CASK: variants seen among roughly 807,000 people sequenced by gnomAD.
The protein encoded by CASK is peripheral plasma membrane protein CASK.
A neutral mutation model predicts 82.9 loss-of-function variants in CASK; 4 were observed. The ratio of observed to expected loss-of-function variants is 0.05; its 90% CI spans 0.02 to 0.11. The LOEUF is 0.11. Ranked by LOEUF, CASK falls within the 10% of genes least tolerant of loss-of-function variation. The pLI, the probability that CASK is intolerant of heterozygous loss-of-function variation, is 1.00. For missense variants in CASK, 358 were observed against 720.9 expected (o/e 0.50, Z 5.76); for synonymous variants, 259 against 253.5 (o/e 1.02, Z -0.20).
At chrX:41,715,862 G>C (rs189998347) in intron 5 of CASK, among the ~76,000 whole-genome samples, 1 of 112,236 alleles carries the variant, frequency 8.9e-6, no homozygotes, top group Non-Finnish European at 1.9e-5. Context: ...ATGGCTGTGG[G>C]GCAGATTTCC....
rs775613948 is a variant in CASK at position 41,598,513 on chromosome X, G to A, written c.1156-8921C>T. 7.3e-5 allele frequency among the ~76,000 whole-genome samples: 8 copies of A among 110,238 alleles called. No homozygotes were observed. The South Asian group carries it at 1.6e-3, about 22-fold the overall frequency. On this transcript the variant is annotated intron_variant, in intron 12 of 26. Coordinates refer to ENST00000378163, the MANE Select transcript of CASK (RefSeq NM_001367721.1). ...ATTACAGGCACGCACCACCACTCCC[G>A]GCTAATTTTTGTATTTTATTTTATT... is the stretch of plus-strand genomic sequence containing the variant.
intron 2 of CASK, among the ~76,000 whole-genome samples, chrX:41,818,858 C>G (rs2070470252): frequency 9.1e-6 from 1 of 109,721 alleles, no homozygotes; most frequent in Admixed American, 9.8e-5. Context: ...CAACTTGTAT[C>G]CAGACTTCAG....
chrX:41,645,671 C>G (rs1336101937), intron 8 of CASK, among the ~76,000 whole-genome samples: 2 of 111,635 alleles, frequency 1.8e-5, no homozygotes, highest in African/African-American at 6.5e-5. Flanking sequence ...CTCCTGATTA[C>G]TTTTCTTTTT....
At chrX:41,829,736 T>TAC (rs2070755104) in intron 2 of CASK, among the ~76,000 whole-genome samples, 7 of 36,755 alleles carry the variant, frequency 1.9e-4, no homozygotes, top group South Asian at 1.4e-3. Context: ...TATATATATA[T>TAC]ATATATATAT....
intron 3 of CASK, among the ~76,000 whole-genome samples, chrX:41,758,099 T>A (rs1369750606): frequency 9.0e-6 from 1 of 111,621 alleles, no homozygotes; most frequent in Non-Finnish European, 1.9e-5. Context: ...TACATGAAGA[T>A]CCCATCTTCT....
At chrX:41,572,034 C>T (rs770336285) in intron 15 of CASK, among the ~76,000 whole-genome samples, 1 of 110,465 alleles carries the variant, frequency 9.1e-6, no homozygotes, top group East Asian at 2.8e-4. Context: ...AAAGCTACTC[C>T]AGCTACCTTT....
chrX:41,811,413 T>C (rs1313058624), intron 2 of CASK, among the ~76,000 whole-genome samples: 1 of 112,662 alleles, frequency 8.9e-6, no homozygotes, highest in Non-Finnish European at 1.9e-5. Flanking sequence ...GCAATCAAAC[T>C]AGAATTCAGG....
intron 1 of CASK, among the ~76,000 whole-genome samples, chrX:41,916,485 C>T (rs1158616040): frequency 1.8e-5 from 2 of 111,707 alleles, no homozygotes; most frequent in Non-Finnish European, 3.8e-5. Context: ...AGAATCTTCA[C>T]TGTCAGTTGC....
At chrX:41,650,395 A>C (rs888486458) in intron 8 of CASK, among the ~76,000 whole-genome samples, 3 of 110,960 alleles carry the variant, frequency 2.7e-5, no homozygotes, top group African/African-American at 9.8e-5. Context: ...GTGAACTTTA[A>C]AAAATTATAT....
chrX:41,890,634 T>C, intron 1 of CASK, among the ~76,000 whole-genome samples: 1 of 111,388 alleles, frequency 9.0e-6, no homozygotes, highest in South Asian at 3.8e-4. Flanking sequence ...AAAAGACTGA[T>C]TAGATTTTGA....
chrX:41,912,300 G>GTTTT (rs774775542), intron 1 of CASK, among the ~76,000 whole-genome samples: 31 of 53,168 alleles, frequency 5.8e-4, no homozygotes, highest in African/African-American at 6.9e-4. Flanking sequence ...TTTGTTTTCT[G>GTTTT]TTTTTTTTTT....
At chrX:41,782,029 T>C (rs2069488279) in intron 3 of CASK, among the ~76,000 whole-genome samples, 1 of 111,746 alleles carries the variant, frequency 8.9e-6, no homozygotes, top group South Asian at 3.7e-4. Context: ...TATCAACTGA[T>C]CATGACATGA....
chrX:41,708,116 CAAAAA>C (rs774468294), intron 5 of CASK, among the ~76,000 whole-genome samples: 1 of 31,702 alleles, frequency 3.2e-5, no homozygotes. Flanking sequence ...GACTCCATCT[CAAAAA>C]AAAAAAAAAA....
At chrX:41,783,770 G>A (rs5964048) in intron 3 of CASK, among the ~76,000 whole-genome samples, 2,354 of 111,455 alleles carry the variant, frequency 0.021, 64 homozygotes, top group African/African-American at 0.072. Flanking sequence ...TAGAGGTGAC[G>A]TCTGCCACTT....
intron 3 of CASK, among the ~76,000 whole-genome samples, chrX:41,763,858 T>C (rs1395123161): frequency 9.0e-6 from 1 of 111,520 alleles, no homozygotes; most frequent in Admixed American, 9.6e-5. Flanking sequence ...GCCATCTCTG[T>C]CCTGAAATTC....
At chrX:41,615,304 C>T (rs142491417) in intron 11 of CASK, among the ~76,000 whole-genome samples, 166 of 110,928 alleles carry the variant, frequency 1.5e-3, no homozygotes, top group Non-Finnish European at 2.2e-3. Context: ...TCAGAGTGCC[C>T]CCCCCTCCAT....
rs763412044 is a variant in CASK at position 41,863,419 on chromosome X, G to A, written c.60-10192C>T. ...ATATCCCCAAACCCCTCCCCAAGGG[G>A]CTGCTGGAAACATCCCCATAGAAAG... On this transcript the variant is annotated intron_variant, in intron 1 of 26. Coordinates refer to ENST00000378163, the MANE Select transcript of CASK (RefSeq NM_001367721.1). Among the ~76,000 whole-genome samples, 7 of 111,643 alleles carry A rather than the reference G, an allele frequency of 6.3e-5. No homozygotes were observed. The South Asian group carries it at 2.3e-3, about 36-fold the overall frequency.
chrX:41,561,251 T>C (rs896559859), intron 17 of CASK, among the ~76,000 whole-genome samples: 1 of 110,951 alleles, frequency 9.0e-6, no homozygotes, highest in Admixed American at 9.7e-5. Flanking sequence ...AGTGAGAAAC[T>C]AGTTCACATG....
chrX:41,543,789 T>C (rs994124942), intron 21 of CASK, among the ~76,000 whole-genome samples: 1 of 111,922 alleles, frequency 8.9e-6, no homozygotes, highest in Non-Finnish European at 1.9e-5. Context: ...GGCAGGTTGC[T>C]TTACAATGAC....
Sources: allele counts gnomAD v4.1 joint callset (sites outside exome capture counted in the v4.1 genomes callset), GRCh38; gene constraint gnomAD v4.1.1; transcripts MANE v1.5; gene names NCBI Gene and HGNC (gene_info 2026-07-23, HGNC 2026-07-21).